The following GRHL1 variants were observed in gnomAD, a reference collection of about 807,000 sequenced individuals.
GRHL1 encodes grainyhead-like protein 1 homolog.
Under a neutral mutation model 75.7 loss-of-function variants are expected in GRHL1, and 38 were observed. The ratio of observed to expected loss-of-function variants is 0.50; its 90% CI spans 0.39 to 0.66. The LOEUF (loss-of-function observed/expected upper bound fraction) is 0.66. Among genes scored for constraint, GRHL1 ranks in the 30% least tolerant of loss-of-function variants. The pLI is 0.00. For missense variants in GRHL1, 589 were observed against 767.5 expected (o/e 0.77, Z 2.75); for synonymous variants, 266 against 279.4 (o/e 0.95, Z 0.48).
Position 10,001,733 on chromosome 2 carries a change from T to C in GRHL1, c.*1026T>C, listed in dbSNP as rs1416061763. ...ACTACTGCAATCACGTCTTTTGTTA[T>C]GCTAGTATCAGTCAGATGCACTTAG... On this transcript the variant is annotated 3_prime_UTR_variant, in exon 16 of 16. Transcript: ENST00000324907. 1 of 152,294 alleles carries C rather than the reference T, an allele frequency of 6.6e-6. No homozygotes were observed. Among genetic ancestry groups the C allele is most frequent in the Admixed American group, 6.5e-5 (1 of 15,290 alleles). The allele number at this position is 152,294 out of a possible 1,614,324, so 9.4% of individuals were successfully genotyped here.
intron 8 of GRHL1, among the ~76,000 whole-genome samples, chr2:9,974,050 C>A (rs1667843722): frequency 6.6e-6 from 1 of 152,242 alleles, no homozygotes; most frequent in Non-Finnish European, 1.5e-5. Flanking sequence ...TCATCTACTT[C>A]ACCAAACAAT....
At chr2:9,979,151 C>CAGAAAAAAAAAAAAAAAAAAAAA (rs1668084425) in intron 8 of GRHL1, among the ~76,000 whole-genome samples, 1 of 60,380 alleles carries the variant, frequency 1.7e-5, no homozygotes, top group Non-Finnish European at 2.9e-5. Flanking sequence ...GACTCTCTCT[C>CAGAAAAAAAAAAAAAAAAAAAAA]AAAAAAAAAA....
intron 1 of GRHL1, 42 bp from the exon 2 acceptor site, chr2:9,954,873 A>AG: frequency 6.6e-7 from 1 of 1,504,464 alleles, no homozygotes; most frequent in Non-Finnish European, 9.2e-7. Flanking sequence ...ACCTTGCAGT[A>AG]GAAAAGTGTG....
intron 15 of GRHL1, among the ~76,000 whole-genome samples, chr2:9,999,405 A>G (rs374110115): frequency 7.0e-4 from 106 of 152,366 alleles, no homozygotes; most frequent in Admixed American, 1.9e-3. Context: ...GGCCAGCGCC[A>G]CTGAGGATGG....
Position 9,983,306 on chromosome 2 carries a change from G to T in GRHL1, c.1111-2818G>T, listed in dbSNP as rs954658250. On this transcript the variant is annotated intron_variant, in intron 8 of 15. Transcript: ENST00000324907. ...TTTGTGTATTTATCTAGGCAAGGTA[G>T]CATTTTTTTTTTAATGCTGAATTAG... 2.1e-5 allele frequency among the ~76,000 whole-genome samples: 3 copies of T among 140,410 alleles called. No individual in the cohort carries two copies. The East Asian group carries it at 6.2e-4, about 29-fold the overall frequency. The allele number at this position is 140,410 out of a possible 152,430, so 92.1% of individuals were successfully genotyped here.
intron 8 of GRHL1, among the ~76,000 whole-genome samples, chr2:9,976,950 C>G (rs1667971914): frequency 6.6e-6 from 1 of 152,264 alleles, no homozygotes; most frequent in African/African-American, 2.4e-5. Flanking sequence ...CTGTGGTAAG[C>G]TACTGCAAAT....
At chr2:9,956,857 C>G (rs1350128356) in intron 2 of GRHL1, among the ~76,000 whole-genome samples, 1 of 152,058 alleles carries the variant, frequency 6.6e-6, no homozygotes. Flanking sequence ...CAGAAAGGCC[C>G]GTGTGATAAC....
chr2:9,964,122 ACCG>A, intron 6 of GRHL1, 80 bp downstream of exon 6: 1 of 1,419,322 alleles, frequency 7.0e-7, no homozygotes, highest in Non-Finnish European at 9.8e-7. Context: ...GCTCTGAATG[ACCG>A]CCTGAAATTG....
chr2:9,964,161 A>G (rs1482932823), intron 6 of GRHL1, 74 bp from the exon 7 acceptor site: 23 of 1,298,514 alleles, frequency 1.8e-5, no homozygotes, highest in Admixed American at 3.7e-5. Context: ...ACTGTAAAAT[A>G]TAGTACTAAA....
chr2:9,983,343 A>G (rs16867271), intron 8 of GRHL1, among the ~76,000 whole-genome samples: 9 of 152,062 alleles, frequency 5.9e-5, no homozygotes, highest in African/African-American at 2.2e-4. Flanking sequence ...ACCATTGTCA[A>G]CTTTCTTTAA....
rs750646595 is a variant in GRHL1 at position 10,000,687 on chromosome 2, C to T, written c.1837C>T (p.Leu613Phe). 53 of 1,600,594 alleles carry T rather than the reference C, an allele frequency of 3.3e-5. 1 individual carries two copies. The South Asian group carries it at 4.7e-4, about 14-fold the overall frequency. The change falls in exon 16 of 16, where the codon CTC becomes TTC. Residue 613 changes from leucine to phenylalanine, a missense_variant. Transcript: ENST00000324907. ...QIEEAGGSYK[L>F]TLTEI ...TGAAGAAGCCGGGGGGTCTTACAAGCTCACCCTGACGGAGATCTAAAGGCC... is the reference window on the plus strand; with the variant it reads ...TGAAGAAGCCGGGGGGTCTTACAAGTTCACCCTGACGGAGATCTAAAGGCC...
At chr2:9,994,776 A>T (rs1376468705) in intron 12 of GRHL1, among the ~76,000 whole-genome samples, 1 of 152,052 alleles carries the variant, frequency 6.6e-6, no homozygotes, top group East Asian at 1.9e-4. Flanking sequence ...GCTTGCCGTG[A>T]CACCACCTGC....
intron 4 of GRHL1, among the ~76,000 whole-genome samples, chr2:9,962,170 G>A (rs1203271541): frequency 1.3e-5 from 2 of 152,166 alleles, no homozygotes; most frequent in Non-Finnish European, 2.9e-5. Context: ...TTTGAACAGA[G>A]TTGGGATGTG....
chr2:9,978,373 T>C (rs1179924751), intron 8 of GRHL1, among the ~76,000 whole-genome samples: 1 of 152,144 alleles, frequency 6.6e-6, no homozygotes, highest in Non-Finnish European at 1.5e-5. Flanking sequence ...TCTTTATCCA[T>C]AAGGGAAATG....
intron 8 of GRHL1, among the ~76,000 whole-genome samples, chr2:9,974,977 G>T (rs1005382104): frequency 6.6e-6 from 1 of 152,232 alleles, no homozygotes. Flanking sequence ...CAAAGTCTTT[G>T]CTGGAGCTGC....
chr2:9,962,572 T>C, intron 5 of GRHL1, 41 bp downstream of exon 5: 1 of 1,046,160 alleles, frequency 9.6e-7, no homozygotes, highest in Non-Finnish European at 1.5e-6. Context: ...TTTGCAGCTT[T>C]TATAACTTAT....
At chr2:9,995,620 G>C (rs1057028300) in intron 12 of GRHL1, among the ~76,000 whole-genome samples, 1 of 151,296 alleles carries the variant, frequency 6.6e-6, no homozygotes, top group Non-Finnish European at 1.5e-5. Context: ...CCTCATCTTC[G>C]AGAAGGCAGC....
At chr2:9,975,115 T>G (rs1413953704) in intron 8 of GRHL1, among the ~76,000 whole-genome samples, 1 of 152,206 alleles carries the variant, frequency 6.6e-6, no homozygotes, top group Admixed American at 6.5e-5. Context: ...GAGGAGGTGC[T>G]TTCACCTTCT....
In GRHL1 at chr2:9,985,988, C is replaced by CT. The variant is rs200647224; in HGVS notation, c.1111-130dup. On this transcript the variant is annotated intron_variant, in intron 8 of 15. Transcript: ENST00000324907. ...CCCTGATCACCTCTTTTTAAAAACCCTTTTTTAAAAAATGAGAAGCTGAGC... is the reference window on the plus strand; with the variant it reads ...CCCTGATCACCTCTTTTTAAAAACCCTTTTTTTAAAAAATGAGAAGCTGAGC... The CT allele has an allele frequency of 9.4e-6, 6 of 639,276 alleles. No homozygotes were observed. The East Asian group carries it at 1.7e-4, about 19-fold the overall frequency. 39.6% of individuals were successfully genotyped at this position (639,276 alleles called of 1,614,324 possible).
Sources: allele counts gnomAD v4.1 joint callset (sites outside exome capture counted in the v4.1 genomes callset), GRCh38; gene constraint gnomAD v4.1.1; transcripts MANE v1.5; gene names NCBI Gene and HGNC (gene_info 2026-07-23, HGNC 2026-07-21).